The following FAM135B variants were observed in gnomAD, a reference collection of about 807,000 sequenced individuals.
The protein encoded by FAM135B is protein FAM135B.
FAM135B carries 43 observed loss-of-function variants against 127.7 expected under a neutral mutation model. The ratio of observed to expected loss-of-function variants is 0.34; its 90% confidence interval spans 0.26 to 0.43. The LOEUF is 0.43. Among genes scored for constraint, FAM135B ranks in the 20% least tolerant of loss-of-function variants. FAM135B has a pLI of 1.00. For missense variants in FAM135B, 1,558 were observed against 1,725.6 expected, an observed-to-expected ratio of 0.90 and a Z score of 1.72; for synonymous variants, 670 against 665.1, an observed-to-expected ratio of 1.01 and a Z score of -0.11.
intron 1 of FAM135B, among the ~76,000 whole-genome samples, chr8:138,406,726 C>T (rs1351852981): frequency 6.6e-6 from 1 of 151,222 alleles, no homozygotes; most frequent in Non-Finnish European, 1.5e-5. Context: ...ATGCTAAAAA[C>T]TCTCAATAAA....
chr8:138,473,838 G>C (rs1321683102), intron 1 of FAM135B, among the ~76,000 whole-genome samples: 2 of 152,134 alleles, frequency 1.3e-5, no homozygotes, highest in East Asian at 1.9e-4. Flanking sequence ...GACAGAGAGA[G>C]AGAGAGAGAG....
intron 2 of FAM135B, among the ~76,000 whole-genome samples, chr8:138,320,822 T>C (rs1056077003): frequency 6.6e-5 from 10 of 152,200 alleles, no homozygotes. Flanking sequence ...CCCCAAACAA[T>C]GGTGTTCTAC....
intron 2 of FAM135B, among the ~76,000 whole-genome samples, chr8:138,335,816 C>T (rs1360780797): frequency 6.6e-6 from 1 of 152,180 alleles, no homozygotes; most frequent in African/African-American, 2.4e-5. Context: ...CTTCTCAGCA[C>T]CACACCACAC....
At chr8:138,139,187 G>GA (rs397819719) in intron 17 of FAM135B, 91 bp from the exon 18 acceptor site, 2 of 741,548 alleles carry the variant, frequency 2.7e-6, no homozygotes, top group African/African-American at 3.5e-5. Flanking sequence ...ACGTTAAACT[G>GA]AATTTTAGTT....
intron 1 of FAM135B, among the ~76,000 whole-genome samples, chr8:138,458,945 A>G (rs997506829): frequency 1.3e-5 from 2 of 152,118 alleles, no homozygotes; most frequent in Non-Finnish European, 2.9e-5. Flanking sequence ...AATTGCCGGC[A>G]TGTACTGGTG....
intron 9 of FAM135B, among the ~76,000 whole-genome samples, chr8:138,179,965 A>T (rs148921188): frequency 2.6e-5 from 4 of 152,280 alleles, no homozygotes; most frequent in African/African-American, 9.6e-5. Flanking sequence ...GAGCCATCAC[A>T]CCTGGCTTCA....
At chr8:138,422,228 A>G (rs898564989) in intron 1 of FAM135B, among the ~76,000 whole-genome samples, 3 of 152,208 alleles carry the variant, frequency 2.0e-5, no homozygotes, top group Admixed American at 1.3e-4. Context: ...TTTTATGACG[A>G]TGACTCTAAA....
chr8:138,494,865 A>C (rs4909800), intron 1 of FAM135B, among the ~76,000 whole-genome samples: 1 of 151,132 alleles, frequency 6.6e-6, no homozygotes, highest in Non-Finnish European at 1.5e-5. Flanking sequence ...TAATCCACCC[A>C]TTGTGAGCAG....
chr8:138,370,818 G>A (rs1389159702), intron 1 of FAM135B, among the ~76,000 whole-genome samples: 4 of 152,176 alleles, frequency 2.6e-5, no homozygotes, highest in Non-Finnish European at 5.9e-5. Context: ...TTTGTGGTCA[G>A]AAATCTAGAG....
intron 2 of FAM135B, among the ~76,000 whole-genome samples, chr8:138,337,608 A>C (rs200399400): frequency 0.027 from 4,166 of 152,276 alleles, 131 homozygotes; most frequent in East Asian, 0.17. Context: ...GAAATAAAAG[A>C]AGACACAAAC....
intron 12 of FAM135B, among the ~76,000 whole-genome samples, chr8:138,161,069 TCA>T (rs1187569882): frequency 1.3e-5 from 2 of 152,162 alleles, no homozygotes; most frequent in Non-Finnish European, 1.5e-5. Flanking sequence ...AAAATAAACT[TCA>T]TGCTCTACAG....
At chr8:138,210,683 T>G (rs545454273) in intron 7 of FAM135B, among the ~76,000 whole-genome samples, 8 of 152,160 alleles carry the variant, frequency 5.3e-5, no homozygotes, top group African/African-American at 1.9e-4. Flanking sequence ...TCCAATCACT[T>G]CCCACCAGGT....
At chr8:138,478,155 C>T (rs751140981) in intron 1 of FAM135B, among the ~76,000 whole-genome samples, 2 of 152,124 alleles carry the variant, frequency 1.3e-5, no homozygotes, top group African/African-American at 4.8e-5. Context: ...CCCAACCCAT[C>T]CCCCTGACAC....
chr8:138,294,465 C>T (rs936903877), intron 3 of FAM135B, among the ~76,000 whole-genome samples: 1 of 151,794 alleles, frequency 6.6e-6, no homozygotes, highest in Non-Finnish European at 1.5e-5. Context: ...TCAATTATAC[C>T]TCAATAAAGC....
In FAM135B at chr8:138,308,561, T is replaced by C. The variant is rs888951461; in HGVS notation, c.157+2280A>G. Among the ~76,000 whole-genome samples, 3 of 152,240 alleles carry C rather than the reference T, an allele frequency of 2.0e-5. 1 individual carries two copies. Among genetic ancestry groups the C allele is most frequent in the African/African-American group, 4.8e-5 (2 of 41,470 alleles). Reference sequence around the variant, plus strand: ...TATTCTGTTCTAAACAGTGTGCTACTGTAAAGCTCAAGGCATACCAACTTC... The same window carrying C: ...TATTCTGTTCTAAACAGTGTGCTACCGTAAAGCTCAAGGCATACCAACTTC... On this transcript the variant is annotated intron_variant, in intron 3 of 19. Coordinates refer to ENST00000395297, the MANE Select transcript of FAM135B (RefSeq NM_015912.4).
Position 138,384,246 on chromosome 8 carries a change from A to G in FAM135B, c.-19-16244T>C, listed in dbSNP as rs146031418. Among the ~76,000 whole-genome samples the G allele has an allele frequency of 6.8e-3, 1,030 of 152,262 alleles. 7 individuals are homozygous for G. The highest frequency in any genetic ancestry group is 0.02 in the African/African-American group (832 of 41,550). The stretch of plus-strand genomic sequence containing the variant: ...CAATGGGCCGGGCCTACCCAAAGTG[A>G]CTGAACCCATCAAGGGTGTTATGCA... On this transcript the variant is annotated intron_variant, in intron 1 of 19. Transcript: ENST00000395297.
At chr8:138,191,438 C>A (rs1339644034) in intron 9 of FAM135B, among the ~76,000 whole-genome samples, 1 of 152,212 alleles carries the variant, frequency 6.6e-6, no homozygotes, top group Non-Finnish European at 1.5e-5. Flanking sequence ...GCTCCAGGGT[C>A]AGTCATTTCC....
intron 2 of FAM135B, among the ~76,000 whole-genome samples, chr8:138,362,393 A>G (rs907786717): frequency 4.0e-5 from 6 of 151,006 alleles, no homozygotes; most frequent in African/African-American, 1.5e-4. Flanking sequence ...TATGGTGCAC[A>G]TGCGAGTCTT....
intron 2 of FAM135B, among the ~76,000 whole-genome samples, chr8:138,333,222 T>G (rs999829544): frequency 1.3e-5 from 2 of 152,086 alleles, no homozygotes; most frequent in Admixed American, 1.3e-4. Context: ...CTGCAACACT[T>G]GCCCTGGGAC....
Sources: allele counts gnomAD v4.1 joint callset (sites outside exome capture counted in the v4.1 genomes callset), GRCh38; gene constraint gnomAD v4.1.1; transcripts MANE v1.5; gene names NCBI Gene and HGNC (gene_info 2026-07-23, HGNC 2026-07-21).